The following ERCC3 variants were observed in gnomAD, a reference collection of about 807,000 sequenced individuals.
ERCC3 encodes general transcription and DNA repair factor IIH helicase/translocase subunit XPB.
ERCC3 carries 66 observed loss-of-function variants against 94.2 expected under a neutral mutation model. The observed-to-expected ratio is 0.70, with a 90% confidence interval of 0.57 to 0.86. The LOEUF (loss-of-function observed/expected upper bound fraction) is 0.86. ERCC3 is among the 40% of genes least tolerant of loss of function. The pLI is 0.00. For missense variants in ERCC3, 829 were observed against 987.1 expected, an observed-to-expected ratio of 0.84 and a Z score of 2.15; for synonymous variants, 349 against 369.1, an observed-to-expected ratio of 0.95 and a Z score of 0.63.
intron 10 of ERCC3, among the ~76,000 whole-genome samples, chr2:127,275,254 T>G (rs1684696986): frequency 2.0e-5 from 3 of 152,056 alleles, no homozygotes; most frequent in Admixed American, 2.0e-4. Context: ...GGACTTGAAC[T>G]CCTGGGCTCA....
chr2:127,271,270 G>A lies in ERCC3; in HGVS notation c.1945+66C>T, dbSNP rs889012387. 1.1e-4 allele frequency: 125 copies of A among 1,111,884 alleles called. No homozygotes were observed. The highest frequency in any genetic ancestry group is 7.7e-4 in the Middle Eastern group (4 of 5,164). The allele number at this position is 1,111,884 out of a possible 1,614,324, so 68.9% of individuals were successfully genotyped here. A position where few individuals can be genotyped will look rare whatever the true frequency, so the allele number is the denominator to read the frequency against. ...GCACATGGCAGCTCTCACCCCTATC[G>A]TCTTCCTAACTAAAGTGGTTTAAGA... is the stretch of plus-strand genomic sequence containing the variant. On this transcript the variant is annotated intron_variant, in intron 12 of 14. Coordinates refer to ENST00000285398, the MANE Select transcript of ERCC3 (RefSeq NM_000122.2). The surrounding 1 kb of genome is among the most constrained non-coding windows in gnomAD (Gnocchi z 5.0).
rs1303402402 is a variant in ERCC3 at position 127,290,441 on chromosome 2, A to C, written c.472-168T>G. The C allele has an allele frequency of 4.4e-6, 3 of 687,014 alleles. No homozygotes were observed. In the African/African-American group the frequency reaches 5.3e-5, roughly 12 times the overall value. 42.6% of individuals were successfully genotyped at this position (687,014 alleles called of 1,614,324 possible). ...GATGTGCCTAAACTGAGCTTTTTCC[A>C]TTGGCCTCTGCTTTCTGAGAACAAA... On this transcript the variant is annotated intron_variant, in intron 3 of 14. Coordinates refer to ENST00000285398, the MANE Select transcript of ERCC3 (RefSeq NM_000122.2).
intron 12 of ERCC3, chr2:127,262,564 C>T (rs1157385837): frequency 6.6e-6 from 1 of 152,186 alleles, no homozygotes; most frequent in East Asian, 1.9e-4. Flanking sequence ...AGTGGTCTGA[C>T]TGCATTTACA....
At chr2:127,261,832 C>T in intron 12 of ERCC3, 1 of 205,800 alleles carries the variant, frequency 4.9e-6, no homozygotes, top group Non-Finnish European at 9.9e-6. Context: ...ATAACTGCCA[C>T]TGTTGTCAAG....
intron 10 of ERCC3, among the ~76,000 whole-genome samples, chr2:127,278,394 T>A (rs891910725): frequency 3.3e-5 from 5 of 152,212 alleles, no homozygotes; most frequent in Non-Finnish European, 5.9e-5. Flanking sequence ...TTGACTTGGA[T>A]TAAAAAGTCT....
In ERCC3 at chr2:127,259,666, C is replaced by T. The variant is rs1005432148; in HGVS notation, c.2065-218G>A. On this transcript the variant is annotated intron_variant, in intron 13 of 14. Transcript: ENST00000285398. This position sits in a 1 kb window ranked among gnomAD's most constrained non-coding sequence, Gnocchi z 4.9. Reference sequence around the variant, plus strand: ...TAATGATCTCAAGACCAGAGGGATGCAGGAATTTCAGAGAAATCTGCCCCC... The same window carrying T: ...TAATGATCTCAAGACCAGAGGGATGTAGGAATTTCAGAGAAATCTGCCCCC... 1.5e-5 allele frequency: 9 copies of T among 584,872 alleles called. No homozygotes were observed. 36.2% of individuals were successfully genotyped at this position (584,872 alleles called of 1,614,324 possible).
At chr2:127,290,956 C>T in intron 3 of ERCC3, 1 of 153,248 alleles carries the variant, frequency 6.5e-6, no homozygotes, top group Non-Finnish European at 1.5e-5. Context: ...GTGACGGGCG[C>T]CTATAATCCC....
intron 12 of ERCC3, among the ~76,000 whole-genome samples, chr2:127,266,881 T>C (rs577108784): frequency 1.3e-5 from 2 of 151,856 alleles, no homozygotes; most frequent in African/African-American, 4.8e-5. Context: ...CACACTCAGC[T>C]AATTTTTGTA....
intron 8 of ERCC3, among the ~76,000 whole-genome samples, 171 bp downstream of exon 8, chr2:127,286,532 T>G (rs1292814623): frequency 2.0e-5 from 3 of 148,824 alleles, no homozygotes; most frequent in Non-Finnish European, 4.5e-5. Flanking sequence ...GGTGACAGAG[T>G]GAGACTCCCT....
At chr2:127,268,834 A>G (rs1684461277) in intron 12 of ERCC3, among the ~76,000 whole-genome samples, 1 of 152,196 alleles carries the variant, frequency 6.6e-6, no homozygotes, top group Non-Finnish European at 1.5e-5. Flanking sequence ...TTAAATTAAT[A>G]ACTTTTACCT....
At chr2:127,288,463 T>C (rs1292696477) in intron 7 of ERCC3, among the ~76,000 whole-genome samples, 197 bp downstream of exon 7, 2 of 152,194 alleles carry the variant, frequency 1.3e-5, no homozygotes, top group African/African-American at 4.8e-5. Flanking sequence ...CTAGCCACCA[T>C]AATACCCCCA....
At chr2:127,293,007 G>A (rs1558965152) in intron 2 of ERCC3, among the ~76,000 whole-genome samples, 161 bp from the exon 3 acceptor site, 1 of 152,178 alleles carries the variant, frequency 6.6e-6, no homozygotes, top group Admixed American at 6.5e-5. Flanking sequence ...ACATTAATCA[G>A]ATACAGAAGA....
In ERCC3 at chr2:127,284,906, T is replaced by C. The variant is rs574406023; in HGVS notation, c.1342+1797A>G. 3.3e-5 allele frequency among the ~76,000 whole-genome samples: 5 copies of C among 152,226 alleles called. No individual in the cohort carries two copies. In the East Asian group the frequency reaches 9.6e-4, roughly 29 times the overall value. On this transcript the variant is annotated intron_variant, in intron 8 of 14. Coordinates refer to ENST00000285398, the MANE Select transcript of ERCC3 (RefSeq NM_000122.2). The surrounding 1 kb of genome is among the most constrained non-coding windows in gnomAD (Gnocchi z 4.1). Reference sequence around the variant, plus strand: ...CTCACTATGTTACCCAGGCTAATCTTAAGCTCCTGGGCTCAAGCAATCCTC... The same window carrying C: ...CTCACTATGTTACCCAGGCTAATCTCAAGCTCCTGGGCTCAAGCAATCCTC...
intron 12 of ERCC3, among the ~76,000 whole-genome samples, chr2:127,266,495 A>G (rs1245796529): frequency 1.3e-5 from 2 of 149,556 alleles, no homozygotes; most frequent in Admixed American, 6.7e-5. Context: ...GCCACCACAC[A>G]CCCGGCTAAT....
At chr2:127,278,130 C>T (rs557530675) in intron 10 of ERCC3, among the ~76,000 whole-genome samples, 16 of 151,610 alleles carry the variant, frequency 1.1e-4, no homozygotes, top group African/African-American at 3.4e-4. Context: ...CCCAGCTACT[C>T]GGGAGGCTGA....
At chr2:127,282,795 C>T (rs4150443) in intron 8 of ERCC3, among the ~76,000 whole-genome samples, 1,612 of 152,292 alleles carry the variant, frequency 0.011, 23 homozygotes, top group African/African-American at 0.036. Context: ...GTGAACTAGA[C>T]GAGAGACAGA....
Position 127,294,133 on chromosome 2 carries a change from G to A in ERCC3, c.-52C>T, listed in dbSNP as rs552139096. The A allele has an allele frequency of 8.2e-6, 13 of 1,593,112 alleles. No homozygotes were observed. The highest frequency in any genetic ancestry group is 1.1e-5 in the Non-Finnish European group (13 of 1,172,784). Reference sequence around the variant, plus strand: ...GACCCCGCTCCCACAGGCCCGCCGCGGCATCCGCTCTGGGGGGACTTCCGG... The same window carrying A: ...GACCCCGCTCCCACAGGCCCGCCGCAGCATCCGCTCTGGGGGGACTTCCGG... On this transcript the variant is annotated 5_prime_UTR_variant, in exon 1 of 15. Coordinates refer to ENST00000285398, the MANE Select transcript of ERCC3 (RefSeq NM_000122.2).
intron 4 of ERCC3, 124 bp from the exon 5 acceptor site, chr2:127,289,948 A>G (rs1315275372): frequency 8.7e-7 from 1 of 1,150,262 alleles, no homozygotes; most frequent in Non-Finnish European, 1.3e-6. Flanking sequence ...CCCTTCGCCA[A>G]ATCTGTACCA....
Position 127,277,115 on chromosome 2 carries a change from C to G in ERCC3, c.1730+2058G>C, listed in dbSNP as rs897775772. On this transcript the variant is annotated intron_variant, in intron 10 of 14. Coordinates refer to ENST00000285398, the MANE Select transcript of ERCC3 (RefSeq NM_000122.2). The surrounding 1 kb of genome is among the most constrained non-coding windows in gnomAD (Gnocchi z 5.1). ...CAGGGTGGGAAACACAACAAAGAGG[C>G]CCAGGGAAGTCATGGGGTAGTGTCC... is the stretch of plus-strand genomic sequence containing the variant. Among the ~76,000 whole-genome samples the G allele has an allele frequency of 2.0e-5, 3 of 152,090 alleles. No individual in the cohort carries two copies. The highest frequency in any genetic ancestry group is 7.2e-5 in the African/African-American group (3 of 41,392).
Sources: allele counts gnomAD v4.1 joint callset (sites outside exome capture counted in the v4.1 genomes callset), GRCh38; gene constraint gnomAD v4.1.1; non-coding constraint Gnocchi (gnomAD v3.1); transcripts MANE v1.5; gene names NCBI Gene and HGNC (gene_info 2026-07-23, HGNC 2026-07-21).